Variants in PTPRN2 observed in about 807,000 individuals in gnomAD.
The protein encoded by PTPRN2 is protein tyrosine phosphatase receptor type N2.
In PTPRN2, 74 loss-of-function variants were observed where a neutral mutation model predicts 118.8. That is an observed-to-expected ratio of 0.62 (90% confidence interval 0.52 to 0.76). PTPRN2 has a LOEUF of 0.76. PTPRN2 is among the 30% of genes least tolerant of loss of function. The pLI is 0.00. For synonymous variants in PTPRN2, 641 were observed against 608.0 expected, an observed-to-expected ratio of 1.05 and a Z score of -0.80; for missense variants, 1,481 against 1,394.4, an observed-to-expected ratio of 1.06 and a Z score of -0.99.
At chr7:157,581,703 A>ATTG (rs1191442863) in intron 17 of PTPRN2, among the ~76,000 whole-genome samples, 1 of 152,144 alleles carries the variant, frequency 6.6e-6, no homozygotes, top group African/African-American at 2.4e-5. Flanking sequence ...TAAAAACCAT[A>ATTG]TTGTTGTTTG....
intron 21 of PTPRN2, among the ~76,000 whole-genome samples, chr7:157,553,696 G>A (rs529931653): frequency 1.3e-5 from 2 of 152,282 alleles, no homozygotes; most frequent in East Asian, 1.9e-4. Flanking sequence ...ACTGAAGAGC[G>A]GAGGAAACGG....
Position 157,583,934 on chromosome 7 carries a change from A to ACACACACACT in PTPRN2, c.2497-5795_2497-5794insAGTGTGTGTG, listed in dbSNP as rs1491225034. On this transcript the variant is annotated intron_variant, in intron 17 of 22. Coordinates refer to ENST00000389418, the MANE Select transcript of PTPRN2 (RefSeq NM_002847.5). This position sits in a 1 kb window ranked among gnomAD's most constrained non-coding sequence, Gnocchi z 5.5. ...CACACACACACACACACACACACACACTCTTAAAATAAGCTCTCCTGAAGC... is the reference window on the plus strand; with the variant it reads ...CACACACACACACACACACACACACACACACACACTCTCTTAAAATAAGCTCTCCTGAAGC... Among the ~76,000 whole-genome samples, 1 of 136,204 alleles carries ACACACACACT rather than the reference A, an allele frequency of 7.3e-6. No individual in the cohort carries two copies. The highest frequency in any genetic ancestry group is 1.6e-5 in the Non-Finnish European group (1 of 63,284). 89.4% of individuals were successfully genotyped at this position (136,204 alleles called of 152,430 possible).
chr7:158,481,946 G>A (rs1820679208), intron 2 of PTPRN2, among the ~76,000 whole-genome samples: 3 of 152,232 alleles, frequency 2.0e-5, no homozygotes. Context: ...GAGTTTGGAA[G>A]AGGCTGAGTC....
intron 2 of PTPRN2, among the ~76,000 whole-genome samples, chr7:158,472,748 T>C (rs1819957603): frequency 6.6e-6 from 1 of 152,176 alleles, no homozygotes; most frequent in Admixed American, 6.5e-5. Flanking sequence ...CCAAGAATGA[T>C]TAGACGGCGC....
intron 12 of PTPRN2, among the ~76,000 whole-genome samples, chr7:157,809,634 C>G (rs114444519): frequency 6.6e-6 from 1 of 152,146 alleles, no homozygotes; most frequent in Non-Finnish European, 1.5e-5. Context: ...CACAGACACG[C>G]CCCGAGGACG....
At chr7:158,278,071 G>A (rs1330936641) in intron 3 of PTPRN2, among the ~76,000 whole-genome samples, 30 of 152,174 alleles carry the variant, frequency 2.0e-4, no homozygotes, top group East Asian at 1.9e-4. Flanking sequence ...GGTGGCCGGG[G>A]ACCAAGTATG....
chr7:157,805,044 C>T (rs965904338), intron 12 of PTPRN2, among the ~76,000 whole-genome samples: 6 of 152,202 alleles, frequency 3.9e-5, no homozygotes, highest in South Asian at 2.1e-4. Flanking sequence ...ACACTAGACT[C>T]AGTCCTCTCT....
chr7:157,578,418 C>T (rs1218276712), intron 17 of PTPRN2, among the ~76,000 whole-genome samples: 1 of 152,194 alleles, frequency 6.6e-6, no homozygotes, highest in Non-Finnish European at 1.5e-5. Context: ...TTTCCAACTT[C>T]TGATCTGTAA....
chr7:158,436,837 T>C (rs544702955), intron 2 of PTPRN2, among the ~76,000 whole-genome samples: 10 of 152,352 alleles, frequency 6.6e-5, no homozygotes, highest in Admixed American at 2.0e-4. Flanking sequence ...TCTTAAACTT[T>C]GGTTTTTACT....
rs1046785859 is a variant in PTPRN2 at position 157,775,787 on chromosome 7, G to C, written c.1789-92850C>G. On this transcript the variant is annotated intron_variant, in intron 12 of 22. Transcript: ENST00000389418. ...TCATGGTGTCCCCCGCAGGCCTGCA[G>C]GCTGGGTTCCTCACAGGGCATCTGC... 2.0e-5 allele frequency among the ~76,000 whole-genome samples: 3 copies of C among 152,242 alleles called. No individual in the cohort carries two copies. The East Asian group carries it at 5.8e-4, about 29-fold the overall frequency.
intron 2 of PTPRN2, among the ~76,000 whole-genome samples, chr7:158,337,726 G>A (rs1805956015): frequency 6.7e-5 from 10 of 148,322 alleles, no homozygotes; most frequent in Admixed American, 2.0e-4. Flanking sequence ...GCCCGCAGAC[G>A]TCACTCACAA....
chr7:157,786,039 T>C (rs572291861), intron 12 of PTPRN2, among the ~76,000 whole-genome samples: 1 of 152,238 alleles, frequency 6.6e-6, no homozygotes, highest in South Asian at 2.1e-4. Context: ...CTGTTTGGCC[T>C]CCTCTGCCCC....
chr7:157,879,844 A>G (rs1350967827), intron 12 of PTPRN2, among the ~76,000 whole-genome samples: 2 of 151,984 alleles, frequency 1.3e-5, no homozygotes, highest in East Asian at 1.9e-4. Context: ...GTTAAAAAAA[A>G]AAAAAAAAAA....
intron 3 of PTPRN2, among the ~76,000 whole-genome samples, chr7:158,263,187 TCA>T (rs373022927): frequency 7.4e-4 from 112 of 151,610 alleles, no homozygotes; most frequent in Middle Eastern, 3.4e-3. Context: ...GCACACACAT[TCA>T]CACACACTGC....
intron 3 of PTPRN2, among the ~76,000 whole-genome samples, chr7:158,227,693 G>C (rs1828896853): frequency 6.6e-6 from 1 of 152,246 alleles, no homozygotes; most frequent in Admixed American, 6.5e-5. Flanking sequence ...CCTCGCATCA[G>C]CAAGGAAAGG....
intron 11 of PTPRN2, among the ~76,000 whole-genome samples, chr7:157,979,844 G>A (rs544124974): frequency 6.6e-6 from 1 of 152,244 alleles, no homozygotes; most frequent in Admixed American, 6.5e-5. Flanking sequence ...CTGCTCAATC[G>A]CAGCCCAGGC....
intron 12 of PTPRN2, among the ~76,000 whole-genome samples, chr7:157,752,456 T>C (rs1801532372): frequency 6.6e-6 from 1 of 152,142 alleles, no homozygotes; most frequent in Non-Finnish European, 1.5e-5. Context: ...AGGCCAGAGC[T>C]CCCCTGGGGT....
At chr7:157,996,334 TCAGTGATGGCTA>T in intron 11 of PTPRN2, among the ~76,000 whole-genome samples, 1 of 152,330 alleles carries the variant, frequency 6.6e-6, no homozygotes. Flanking sequence ...TCTATGTTAT[TCAGTGATGGCTA>T]CACTCAAAGC....
intron 3 of PTPRN2, among the ~76,000 whole-genome samples, chr7:158,262,959 C>A (rs1166085878): frequency 7.2e-6 from 1 of 139,530 alleles, no homozygotes; most frequent in Non-Finnish European, 1.5e-5. Flanking sequence ...CACACATACA[C>A]ACATTCACAC....
Sources: gnomAD v4.1 joint callset for allele counts (sites outside exome capture counted in the v4.1 genomes callset) on GRCh38, gnomAD v4.1.1 for gene constraint, Gnocchi (gnomAD v3.1) non-coding constraint, MANE v1.5 for transcripts, NCBI Gene and HGNC (gene_info 2026-07-23, HGNC 2026-07-21) for gene names.